The following GGH variants were observed in gnomAD, a reference collection of about 807,000 sequenced individuals.
GGH encodes gamma-Glu-X carboxypeptidase.
A neutral mutation model predicts 39.2 loss-of-function variants in GGH; 18 were observed. The observed-to-expected ratio is 0.46, with a 90% CI of 0.32 to 0.68. GGH has a LOEUF of 0.68. Ranked by LOEUF, GGH falls within the 30% of genes least tolerant of loss-of-function variation. The pLI, the probability that GGH is intolerant of heterozygous loss-of-function variation, is 0.04. For synonymous variants in GGH, 147 were observed against 138.8 expected, an observed-to-expected ratio of 1.06 and a Z score of -0.42; for missense variants, 367 against 384.1, an observed-to-expected ratio of 0.96 and a Z score of 0.37.
chr8:63,035,611 A>AT (rs778537859), intron 2 of GGH, 45 bp downstream of exon 2: 46 of 1,569,086 alleles, frequency 2.9e-5, no homozygotes, highest in Non-Finnish European at 3.4e-5. Flanking sequence ...GTACGCAGCA[A>AT]TTTTTTATAC....
chr8:63,036,457 C>T (rs1804910879), intron 1 of GGH, among the ~76,000 whole-genome samples: 1 of 151,950 alleles, frequency 6.6e-6, no homozygotes, highest in African/African-American at 2.4e-5. Flanking sequence ...TGCATTAATT[C>T]GAGGGTGTAG....
rs1380906267 is a variant in GGH at position 63,017,956 on chromosome 8, C to T, written c.698-326G>A. On this transcript the variant is annotated intron_variant, in intron 7 of 8. Transcript: ENST00000260118. ...TTTTATTGGTGATACAAGTTTCTTC[C>T]GCAGTGGGTCTCTTTCTCCCGTCTT... 4.1e-5 allele frequency: 8 copies of T among 194,774 alleles called. 1 individual carries two copies. The South Asian group carries it at 1.0e-3, about 26-fold the overall frequency. 12.1% of individuals were successfully genotyped at this position (194,774 alleles called of 1,614,324 possible).
Position 63,038,738 on chromosome 8 carries a change from G to A in GGH, c.31C>T (p.Leu11=). The part of the protein sequence containing the change: MASPGCLLCV[L]GLLLCGAASL... Reference sequence around the variant, plus strand: ...GCCGCCCCGCAGAGTAGCAGGCCCAGCACGCACAGCAGGCAGCCCGGACTG... The same window carrying A: ...GCCGCCCCGCAGAGTAGCAGGCCCAACACGCACAGCAGGCAGCCCGGACTG... Residue 11 remains leucine (L), a synonymous_variant, in exon 1 of 9, where the codon CTG becomes TTG. Transcript: ENST00000260118. 1.3e-6 allele frequency: 2 copies of A among 1,579,978 alleles called. No individual in the cohort carries two copies. The highest frequency in any genetic ancestry group is 1.7e-6 in the Non-Finnish European group (2 of 1,165,256).
intron 3 of GGH, among the ~76,000 whole-genome samples, chr8:63,029,410 G>C (rs1804760845): frequency 6.6e-6 from 1 of 152,068 alleles, no homozygotes; most frequent in Non-Finnish European, 1.5e-5. Flanking sequence ...AATGTACATA[G>C]TCTGTTTTAT....
intron 2 of GGH, among the ~76,000 whole-genome samples, chr8:63,033,733 A>G (rs1804847230): frequency 6.6e-6 from 1 of 152,012 alleles, no homozygotes; most frequent in South Asian, 2.1e-4. Context: ...TCACCCAGGT[A>G]GTGAGCACAG....
At chr8:63,037,427 G>A (rs1278289688) in intron 1 of GGH, among the ~76,000 whole-genome samples, 2 of 152,020 alleles carry the variant, frequency 1.3e-5, no homozygotes, top group Non-Finnish European at 2.9e-5. Flanking sequence ...CTGGGCCCAC[G>A]CATATTCACT....
At chr8:63,037,352 G>A (rs1347279106) in intron 1 of GGH, among the ~76,000 whole-genome samples, 2 of 152,096 alleles carry the variant, frequency 1.3e-5, no homozygotes, top group East Asian at 1.9e-4. Flanking sequence ...GGGGCATCAT[G>A]GGAGCACAAG....
intron 7 of GGH, among the ~76,000 whole-genome samples, chr8:63,022,748 G>C (rs1804615919): frequency 1.3e-5 from 2 of 150,172 alleles, no homozygotes; most frequent in Admixed American, 1.3e-4. Context: ...GGCTGGTCTT[G>C]AACTTCTGAC....
intron 4 of GGH, 29 bp from the exon 5 acceptor site, chr8:63,026,325 G>C (rs780484466): frequency 1.9e-6 from 3 of 1,566,924 alleles, no homozygotes; most frequent in Admixed American, 3.8e-5. Context: ...AGAAAACTAA[G>C]TTTATTCAAA....
At chr8:63,018,421 A>G (rs1804526263) in intron 7 of GGH, among the ~76,000 whole-genome samples, 1 of 152,224 alleles carries the variant, frequency 6.6e-6, no homozygotes, top group Non-Finnish European at 1.5e-5. Flanking sequence ...TGTAACCATG[A>G]CCACCATCAG....
intron 7 of GGH, among the ~76,000 whole-genome samples, chr8:63,021,671 T>A (rs1217760241): frequency 2.7e-5 from 2 of 74,326 alleles, no homozygotes; most frequent in Non-Finnish European, 5.9e-5. Context: ...CTCATATCCT[T>A]TTTTTTTTTT....
chr8:63,023,510 T>C (rs983525901), intron 7 of GGH: 1 of 153,684 alleles, frequency 6.5e-6, no homozygotes, highest in African/African-American at 2.4e-5. Flanking sequence ...TCTTAAAATT[T>C]TGGACCTGAG....
At position 63,017,634 on chromosome 8, in the gene GGH, TAAG is replaced by T. The variant is rs760413917; in HGVS notation, c.698-7_698-5del. The T allele has an allele frequency of 1.2e-5, 19 of 1,554,260 alleles. No individual in the cohort carries two copies. In the African/African-American group the frequency reaches 1.6e-4, roughly 13 times the overall value. On this transcript the variant is annotated splice_region_variant and splice_polypyrimidine_tract_variant and intron_variant, in intron 7 of 8. Transcript: ENST00000260118. ...CCATATACTGGATACTTATATCCTG[TAAG>T]AAGAACACAAATTAGTAAGTACTAA...
chr8:63,033,431 G>A (rs1281705710), intron 2 of GGH, among the ~76,000 whole-genome samples: 1 of 152,180 alleles, frequency 6.6e-6, no homozygotes, highest in Admixed American at 6.5e-5. Flanking sequence ...CTCTCCACCA[G>A]TGACAGGTTT....
intron 7 of GGH, among the ~76,000 whole-genome samples, chr8:63,021,423 C>G (rs1406351769): frequency 6.6e-6 from 1 of 152,160 alleles, no homozygotes. Flanking sequence ...TTTGATTTTA[C>G]TAAGAAATGC....
intron 7 of GGH, among the ~76,000 whole-genome samples, chr8:63,019,305 CTCAGTTGGG>C (rs1169101797): frequency 6.6e-6 from 1 of 152,216 alleles, no homozygotes; most frequent in Non-Finnish European, 1.5e-5. Flanking sequence ...CCACAGACAT[CTCAGTTGGG>C]TCAGCTTACA....
chr8:63,030,504 G>A (rs1804783525), intron 2 of GGH, among the ~76,000 whole-genome samples: 1 of 151,932 alleles, frequency 6.6e-6, no homozygotes, highest in Non-Finnish European at 1.5e-5. Flanking sequence ...CGTGAGATTT[G>A]GCCACCAGTA....
chr8:63,020,870 A>C (rs1442991380), intron 7 of GGH, among the ~76,000 whole-genome samples: 1 of 152,204 alleles, frequency 6.6e-6, no homozygotes, highest in Non-Finnish European at 1.5e-5. Flanking sequence ...ACTTCAGCAG[A>C]CCACGAGTGG....
At chr8:63,032,795 T>C (rs1004732241) in intron 2 of GGH, among the ~76,000 whole-genome samples, 2 of 152,254 alleles carry the variant, frequency 1.3e-5, no homozygotes, top group Admixed American at 6.5e-5. Context: ...GAAATAAACC[T>C]GTATGCTGAC....
Sources: allele counts gnomAD v4.1 joint callset (sites outside exome capture counted in the v4.1 genomes callset), GRCh38; gene constraint gnomAD v4.1.1; transcripts MANE v1.5; gene names NCBI Gene and HGNC (gene_info 2026-07-23, HGNC 2026-07-21).